The following GPC6 variants were observed in gnomAD, a reference collection of about 807,000 sequenced individuals.
GPC6 encodes glypican-6.
GPC6 carries 14 observed loss-of-function variants against 55.2 expected under a neutral mutation model. The ratio of observed to expected loss-of-function variants is 0.25; its 90% CI spans 0.17 to 0.40. The LOEUF is 0.40. Among genes scored for constraint, GPC6 ranks in the 10% least tolerant of loss-of-function variants. The pLI is 1.00. For synonymous variants in GPC6, 278 were observed against 259.6 expected (o/e 1.07, Z -0.68); for missense variants, 641 against 708.5 (o/e 0.90, Z 1.08).
chr13:93,694,448 A>C (rs566655446), intron 2 of GPC6, among the ~76,000 whole-genome samples: 1 of 152,344 alleles, frequency 6.6e-6, no homozygotes, highest in Non-Finnish European at 1.5e-5. Context: ...TTCCACAAAA[A>C]CATATTTTAA....
chr13:94,078,862 T>A (rs1885010087), intron 4 of GPC6, among the ~76,000 whole-genome samples: 1 of 151,870 alleles, frequency 6.6e-6, no homozygotes, highest in Non-Finnish European at 1.5e-5. Flanking sequence ...TTTAAAAAAT[T>A]GGAAGAGAAA....
chr13:93,319,902 A>G (rs1311325969), intron 1 of GPC6, among the ~76,000 whole-genome samples: 1 of 152,174 alleles, frequency 6.6e-6, no homozygotes, highest in Non-Finnish European at 1.5e-5. Context: ...TACATGGAGC[A>G]TAGTGGAAAC....
intron 4 of GPC6, among the ~76,000 whole-genome samples, chr13:94,102,465 C>T (rs1246030607): frequency 6.6e-6 from 1 of 151,630 alleles, no homozygotes; most frequent in African/African-American, 2.4e-5. Context: ...CCAAGGCTTT[C>T]TGTGGTCCAT....
chr13:93,489,484 G>A (rs1277799280), intron 1 of GPC6, among the ~76,000 whole-genome samples: 1 of 151,332 alleles, frequency 6.6e-6, no homozygotes, highest in Non-Finnish European at 1.5e-5. Context: ...GAACTTTAAA[G>A]TAGTTTTTTC....
intron 2 of GPC6, among the ~76,000 whole-genome samples, chr13:93,772,573 A>G (rs1206476963): frequency 1.3e-5 from 2 of 152,142 alleles, no homozygotes; most frequent in African/African-American, 4.8e-5. Context: ...AAAAGGCGAT[A>G]TATACACAAG....
At chr13:94,278,230 C>T (rs1892271221) in intron 4 of GPC6, among the ~76,000 whole-genome samples, 1 of 152,072 alleles carries the variant, frequency 6.6e-6, no homozygotes, top group Admixed American at 6.6e-5. Flanking sequence ...TGATTTGGCA[C>T]TCTGCTTGTC....
chr13:93,379,637 G>T (rs930738136), intron 1 of GPC6, among the ~76,000 whole-genome samples: 7 of 152,094 alleles, frequency 4.6e-5, no homozygotes, highest in African/African-American at 1.7e-4. Flanking sequence ...TCCTTAATAT[G>T]TAGGCTAGGA....
At chr13:93,788,089 A>T (rs1885871291) in intron 2 of GPC6, among the ~76,000 whole-genome samples, 1 of 152,202 alleles carries the variant, frequency 6.6e-6, no homozygotes, top group East Asian at 1.9e-4. Context: ...ATACTGCTAT[A>T]ATAGAACACC....
intron 4 of GPC6, among the ~76,000 whole-genome samples, chr13:94,083,862 G>A (rs1027642882): frequency 1.3e-5 from 2 of 152,180 alleles, no homozygotes; most frequent in Non-Finnish European, 2.9e-5. Context: ...AGATATGAAT[G>A]TCTTTCTACC....
At chr13:93,942,418 T>C (rs73541965) in intron 3 of GPC6, among the ~76,000 whole-genome samples, 55,467 of 151,952 alleles carry the variant, frequency 0.37, 10,315 homozygotes, top group Middle Eastern at 0.49. Context: ...CTCCCAGGCT[T>C]TGGTGATCCT....
intron 3 of GPC6, among the ~76,000 whole-genome samples, chr13:94,026,805 A>G (rs988217014): frequency 2.0e-5 from 3 of 152,102 alleles, no homozygotes; most frequent in Non-Finnish European, 4.4e-5. Context: ...CAGTGAGGAG[A>G]AGTGCCAAGC....
intron 2 of GPC6, among the ~76,000 whole-genome samples, chr13:93,733,336 A>T (rs1883893006): frequency 6.6e-6 from 1 of 152,004 alleles, no homozygotes; most frequent in African/African-American, 2.4e-5. Context: ...ATTTCAGGAT[A>T]AAAATTATCT....
intron 1 of GPC6, among the ~76,000 whole-genome samples, chr13:93,429,476 T>A (rs1475036592): frequency 6.6e-6 from 1 of 152,160 alleles, no homozygotes. Flanking sequence ...TTTCAGCTTG[T>A]GATTATTTTT....
intron 4 of GPC6, among the ~76,000 whole-genome samples, chr13:94,262,471 G>A (rs549784112): frequency 8.5e-5 from 13 of 152,186 alleles, no homozygotes; most frequent in East Asian, 1.9e-4. Flanking sequence ...CCAGGAGTTC[G>A]AGACCAGCCT....
At chr13:94,244,423 C>G (rs1891139898) in intron 4 of GPC6, among the ~76,000 whole-genome samples, 1 of 152,034 alleles carries the variant, frequency 6.6e-6, no homozygotes, top group Non-Finnish European at 1.5e-5. Flanking sequence ...TGGGCACTAT[C>G]TCAAGGTTTC....
Position 93,608,962 on chromosome 13 carries a change from A to C in GPC6, c.319+63541A>C, listed in dbSNP as rs78857837. Among the ~76,000 whole-genome samples the C allele has an allele frequency of 6.7e-3, 1,019 of 152,304 alleles. 3 individuals carry two copies. Among genetic ancestry groups the C allele is most frequent in the Non-Finnish European group, 0.011 (720 of 68,026 alleles). On this transcript the variant is annotated intron_variant, in intron 2 of 8. Transcript: ENST00000377047. ...GGCTAACTATACCATTATGAATAAGATGCTATGGTCTATGTTTGAGTATCT... is the reference window on the plus strand; with the variant it reads ...GGCTAACTATACCATTATGAATAAGCTGCTATGGTCTATGTTTGAGTATCT...
At chr13:94,319,444 A>T (rs1876707678) in intron 6 of GPC6, among the ~76,000 whole-genome samples, 1 of 152,246 alleles carries the variant, frequency 6.6e-6, no homozygotes, top group South Asian at 2.1e-4. Context: ...TACACAAAAC[A>T]AAAGTTAAGA....
chr13:94,366,002 A>G (rs1487051336), intron 6 of GPC6, among the ~76,000 whole-genome samples: 9 of 152,254 alleles, frequency 5.9e-5, no homozygotes, highest in African/African-American at 1.9e-4. Flanking sequence ...CCCCTTTTTT[A>G]ATTAGCAGAC....
At chr13:94,176,872 G>A (rs1329212162) in intron 4 of GPC6, among the ~76,000 whole-genome samples, 2 of 152,136 alleles carry the variant, frequency 1.3e-5, no homozygotes, top group African/African-American at 4.8e-5. Context: ...CAGAATCCCT[G>A]TAACATAAGT....
Sources: allele counts gnomAD v4.1 joint callset (sites outside exome capture counted in the v4.1 genomes callset), GRCh38; gene constraint gnomAD v4.1.1; transcripts MANE v1.5; gene names NCBI Gene and HGNC (gene_info 2026-07-23, HGNC 2026-07-21).